The following EPHA6 variants were observed in gnomAD, a reference collection of about 807,000 sequenced individuals.
EPHA6 encodes EPH receptor A6.
A neutral mutation model predicts 112.0 loss-of-function variants in EPHA6; 50 were observed. The observed-to-expected ratio is 0.45, with a 90% CI of 0.36 to 0.56. The LOEUF (loss-of-function observed/expected upper bound fraction) is 0.56, where lower values mean the gene tolerates loss of function less well. Among genes scored for constraint, EPHA6 ranks in the 20% least tolerant of loss-of-function variants. The pLI is 0.00. For missense variants in EPHA6, 1,280 were observed against 1,417.4 expected (o/e 0.90, Z 1.56); for synonymous variants, 529 against 490.7 (o/e 1.08, Z -1.03).
rs1222193156 is a variant in EPHA6 at position 96,838,544 on chromosome 3, T to A, written c.385+23536T>A. On this transcript the variant is annotated intron_variant, in intron 1 of 17. Transcript: ENST00000389672. ...GTGTAAAAGTGTTTCTTTTTCTCTATAACATCAGCAGCATCTGTGTTTTTT... is the reference window on the plus strand; with the variant it reads ...GTGTAAAAGTGTTTCTTTTTCTCTAAAACATCAGCAGCATCTGTGTTTTTT... Among the ~76,000 whole-genome samples the A allele has an allele frequency of 2.6e-5, 4 of 152,122 alleles. No homozygotes were observed. In the East Asian group the frequency reaches 7.7e-4, roughly 29 times the overall value.
intron 2 of EPHA6, among the ~76,000 whole-genome samples, chr3:96,889,764 A>G (rs2037845995): frequency 5.9e-5 from 9 of 152,176 alleles, no homozygotes; most frequent in Admixed American, 5.9e-4. Flanking sequence ...CATTTACACC[A>G]CAAAATACGA....
chr3:97,471,261 C>T (rs983002665), intron 7 of EPHA6, among the ~76,000 whole-genome samples: 1 of 151,700 alleles, frequency 6.6e-6, no homozygotes, highest in African/African-American at 2.4e-5. Flanking sequence ...TCCCAAATTC[C>T]CTGTCAGCTC....
intron 3 of EPHA6, among the ~76,000 whole-genome samples, chr3:97,207,861 A>C (rs1042455084): frequency 2.0e-5 from 3 of 152,146 alleles, no homozygotes; most frequent in Non-Finnish European, 4.4e-5. Flanking sequence ...TGAAAATTGG[A>C]TTATCCAAGC....
chr3:96,942,842 CA>C (rs961544621), intron 2 of EPHA6, among the ~76,000 whole-genome samples: 13 of 152,120 alleles, frequency 8.5e-5, no homozygotes, highest in African/African-American at 2.4e-4. Flanking sequence ...CTCTGGGATA[CA>C]AACCAGGGTA....
At chr3:97,173,047 A>AT (rs964420764) in intron 3 of EPHA6, among the ~76,000 whole-genome samples, 2 of 151,776 alleles carry the variant, frequency 1.3e-5, no homozygotes, top group African/African-American at 4.8e-5. Context: ...ATGTTTTGTC[A>AT]TTTTTTTATT....
intron 2 of EPHA6, among the ~76,000 whole-genome samples, chr3:96,980,825 G>A (rs2042737373): frequency 6.6e-6 from 1 of 152,146 alleles, no homozygotes; most frequent in African/African-American, 2.4e-5. Flanking sequence ...GTGAATGAGA[G>A]TTCACTCATG....
intron 2 of EPHA6, among the ~76,000 whole-genome samples, chr3:96,957,250 G>T (rs1001481481): frequency 6.6e-6 from 1 of 152,126 alleles, no homozygotes. Flanking sequence ...AAAGAAGAGG[G>T]ATATCTACAA....
At chr3:97,416,953 G>A (rs2088179297) in intron 6 of EPHA6, among the ~76,000 whole-genome samples, 1 of 151,794 alleles carries the variant, frequency 6.6e-6, no homozygotes, top group African/African-American at 2.4e-5. Context: ...ATCAAGGTAA[G>A]GCATTTACAA....
intron 4 of EPHA6, among the ~76,000 whole-genome samples, chr3:97,227,228 T>C (rs2078385821): frequency 6.6e-6 from 1 of 151,936 alleles, no homozygotes. Context: ...GAGACTTTTT[T>C]TTTTTTTTCG....
chr3:97,460,742 A>G (rs1412293396), intron 7 of EPHA6, among the ~76,000 whole-genome samples: 1 of 152,116 alleles, frequency 6.6e-6, no homozygotes, highest in African/African-American at 2.4e-5. Context: ...ATTAAAGACA[A>G]CCCAGAAGAA....
At chr3:97,118,360 T>C (rs1167892164) in intron 3 of EPHA6, among the ~76,000 whole-genome samples, 1 of 151,816 alleles carries the variant, frequency 6.6e-6, no homozygotes, top group Non-Finnish European at 1.5e-5. Context: ...ATAATCAGAA[T>C]TTATTTTATT....
intron 3 of EPHA6, among the ~76,000 whole-genome samples, chr3:97,098,120 T>C (rs2047298045): frequency 6.6e-6 from 1 of 151,862 alleles, no homozygotes; most frequent in Non-Finnish European, 1.5e-5. Context: ...CACAATGACT[T>C]TTTGGGTGGT....
At chr3:97,625,631 GT>G (rs879468347) in intron 13 of EPHA6, among the ~76,000 whole-genome samples, 6 of 151,458 alleles carry the variant, frequency 4.0e-5, no homozygotes, top group African/African-American at 9.7e-5. Context: ...TGAAATGTTT[GT>G]CTGTCTGTTT....
chr3:97,753,993 T>C lies in EPHA6; in HGVS notation c.*5292T>C, dbSNP rs1013422325. On this transcript the variant is annotated 3_prime_UTR_variant, in exon 18 of 18. Coordinates refer to ENST00000389672, the MANE Select transcript of EPHA6 (RefSeq NM_001080448.3). The stretch of plus-strand genomic sequence containing the variant: ...GAAAAAGATACAGGTCATCAAAATG[T>C]AGTTTTAACAAATCATCTTTTTCTG... Among the ~76,000 whole-genome samples the C allele has an allele frequency of 1.3e-5, 2 of 151,938 alleles. No homozygotes were observed. The highest frequency in any genetic ancestry group is 2.9e-5 in the Non-Finnish European group (2 of 67,984).
At chr3:97,062,082 A>G (rs1320810147) in intron 3 of EPHA6, among the ~76,000 whole-genome samples, 1 of 152,196 alleles carries the variant, frequency 6.6e-6, no homozygotes, top group East Asian at 1.9e-4. Context: ...ATGAACAGGG[A>G]TAACACAATC....
chr3:97,618,420 C>G (rs956678089), intron 13 of EPHA6, among the ~76,000 whole-genome samples: 1 of 151,972 alleles, frequency 6.6e-6, no homozygotes, highest in African/African-American at 2.4e-5. Context: ...TGAGAAATAA[C>G]TAAGATCAGA....
At chr3:97,108,712 T>C (rs1456184686) in intron 3 of EPHA6, among the ~76,000 whole-genome samples, 2 of 152,178 alleles carry the variant, frequency 1.3e-5, no homozygotes, top group African/African-American at 4.8e-5. Flanking sequence ...AGCTTTATTC[T>C]GGTGGACAAG....
chr3:97,130,051 A>C (rs1490203652), intron 3 of EPHA6, among the ~76,000 whole-genome samples: 2 of 152,108 alleles, frequency 1.3e-5, no homozygotes, highest in Non-Finnish European at 1.5e-5. Flanking sequence ...ATGGAACTTC[A>C]AGGTCTCTCA....
At chr3:97,608,646 G>A (rs1392512802) in intron 12 of EPHA6, among the ~76,000 whole-genome samples, 2 of 151,236 alleles carry the variant, frequency 1.3e-5, no homozygotes, top group Admixed American at 6.6e-5. Context: ...GGGAGAGACG[G>A]TAAGATTAGA....
Sources: gnomAD v4.1 joint callset for allele counts (sites outside exome capture counted in the v4.1 genomes callset) on GRCh38, gnomAD v4.1.1 for gene constraint, MANE v1.5 for transcripts, NCBI Gene and HGNC (gene_info 2026-07-23, HGNC 2026-07-21) for gene names.